The following OMA1 variants were observed in gnomAD, a reference collection of about 807,000 sequenced individuals.
OMA1 encodes OMA1 zinc metallopeptidase.
A neutral mutation model predicts 30.9 loss-of-function variants in OMA1; 38 were observed. The observed-to-expected ratio is 1.23, with a 90% CI of 0.95 to 1.61. The LOEUF is 1.61. Among genes scored for constraint, OMA1 ranks in the 40% most tolerant of loss-of-function variants. The pLI, the probability that OMA1 is intolerant of heterozygous loss-of-function variation, is 0.00. For synonymous variants in OMA1, 173 were observed against 121.9 expected (o/e 1.42, Z -2.76); for missense variants, 461 against 349.2 (o/e 1.32, Z -2.55).
intron 7 of OMA1, among the ~76,000 whole-genome samples, chr1:58,518,533 T>C (rs1646209300): frequency 6.6e-6 from 1 of 151,816 alleles, no homozygotes; most frequent in Non-Finnish European, 1.5e-5. Flanking sequence ...AAGATGCTAG[T>C]ACTGGAGATG....
intron 8 of OMA1, among the ~76,000 whole-genome samples, chr1:58,482,470 T>C (rs1645504434): frequency 6.6e-6 from 1 of 152,122 alleles, no homozygotes; most frequent in Admixed American, 6.5e-5. Flanking sequence ...CAAAATAATT[T>C]TTAAGGATAA....
chr1:58,508,975 A>G (rs1646031630), intron 7 of OMA1, among the ~76,000 whole-genome samples: 1 of 152,080 alleles, frequency 6.6e-6, no homozygotes, highest in African/African-American at 2.4e-5. Flanking sequence ...ACCAGACAGG[A>G]CCCTAGACAC....
intron 8 of OMA1, among the ~76,000 whole-genome samples, chr1:58,483,074 G>A (rs1422927364): frequency 6.6e-6 from 1 of 152,146 alleles, no homozygotes; most frequent in African/African-American, 2.4e-5. Flanking sequence ...TTACCTGGAA[G>A]TCCAGGTACA....
chr1:58,512,886 C>A (rs1279379286), intron 7 of OMA1, among the ~76,000 whole-genome samples: 1 of 152,010 alleles, frequency 6.6e-6, no homozygotes, highest in Non-Finnish European at 1.5e-5. Flanking sequence ...GAGGGTAGAT[C>A]TCATGTTAAA....
intron 7 of OMA1, among the ~76,000 whole-genome samples, chr1:58,523,732 T>C (rs886888340): frequency 2.0e-5 from 3 of 152,110 alleles, no homozygotes; most frequent in Admixed American, 6.5e-5. Flanking sequence ...ACCCCATCTC[T>C]ACTAAAAACA....
intron 8 of OMA1, among the ~76,000 whole-genome samples, chr1:58,489,020 G>A (rs948383285): frequency 3.3e-5 from 5 of 152,244 alleles, no homozygotes; most frequent in South Asian, 2.1e-4. Flanking sequence ...CGTCAGCGAC[G>A]CAGAAGACGA....
At chr1:58,502,613 A>C (rs1424311324) in intron 8 of OMA1, among the ~76,000 whole-genome samples, 2 of 152,228 alleles carry the variant, frequency 1.3e-5, no homozygotes, top group Non-Finnish European at 2.9e-5. Context: ...ATAAAATATA[A>C]TTTCAAAATG....
rs759959079 is a variant in OMA1, at chr1:58,527,337, T to G, written c.1141-2A>C. The G allele has an allele frequency of 2.3e-6, 2 of 871,248 alleles. No homozygotes were observed. The highest frequency in any genetic ancestry group is 4.0e-6 in the Non-Finnish European group (2 of 500,876). The allele number at this position is 871,248 out of a possible 1,614,324, so 54.0% of individuals were successfully genotyped here. A position where few individuals can be genotyped will look rare whatever the true frequency, so the allele number is the denominator to read the frequency against. On this transcript the variant is annotated splice_acceptor_variant, in intron 6 of 8. Coordinates refer to ENST00000371226, the MANE Select transcript of OMA1 (RefSeq NM_145243.5). LOFTEE classifies it high-confidence loss of function. ...GCTGTATGGTCTATTAAACATATAC[T>G]AAGAAGAAATGACAGAAAAGCTCCA...
chr1:58,485,737 T>C (rs1645566708), intron 8 of OMA1, among the ~76,000 whole-genome samples: 1 of 152,174 alleles, frequency 6.6e-6, no homozygotes, highest in Admixed American at 6.5e-5. Flanking sequence ...TCCTACCATA[T>C]AGCTAGAATA....
chr1:58,499,921 A>G (rs192772107), intron 8 of OMA1, among the ~76,000 whole-genome samples: 1 of 152,324 alleles, frequency 6.6e-6, no homozygotes, highest in Admixed American at 6.5e-5. Context: ...CAAGTAAAAC[A>G]TCAACTACTT....
intron 1 of OMA1, among the ~76,000 whole-genome samples, chr1:58,544,502 C>T (rs549141569): frequency 6.6e-6 from 1 of 152,224 alleles, no homozygotes; most frequent in East Asian, 1.9e-4. Context: ...GTATTTTCAC[C>T]TTATATATTT....
At chr1:58,521,023 C>G (rs2100452118) in intron 7 of OMA1, among the ~76,000 whole-genome samples, 1 of 152,270 alleles carries the variant, frequency 6.6e-6, no homozygotes, top group East Asian at 1.9e-4. Flanking sequence ...GTCATTTTGA[C>G]AAAATTGATC....
chr1:58,529,951 G>T (rs772516868), intron 6 of OMA1, among the ~76,000 whole-genome samples: 1 of 151,944 alleles, frequency 6.6e-6, no homozygotes, highest in Non-Finnish European at 1.5e-5. Context: ...CGCAATCTCG[G>T]CTCACAGCAA....
At chr1:58,487,113 G>C (rs1195969816) in intron 8 of OMA1, among the ~76,000 whole-genome samples, 1 of 152,210 alleles carries the variant, frequency 6.6e-6, no homozygotes, top group Non-Finnish European at 1.5e-5. Flanking sequence ...GGTGAAAAGT[G>C]ACAACAGGAA....
chr1:58,482,956 G>C (rs531991615), intron 8 of OMA1, among the ~76,000 whole-genome samples: 1 of 152,294 alleles, frequency 6.6e-6, no homozygotes, highest in African/African-American at 2.4e-5. Context: ...AATGAAAATG[G>C]AGGCCCAGAT....
intron 8 of OMA1, among the ~76,000 whole-genome samples, chr1:58,495,582 A>G (rs529065768): frequency 3.9e-5 from 3 of 76,282 alleles, no homozygotes; most frequent in African/African-American, 1.0e-4. Context: ...TAAACAAACA[A>G]AACTGTATAT....
intron 7 of OMA1, among the ~76,000 whole-genome samples, chr1:58,514,130 A>G (rs1216937205): frequency 6.6e-6 from 1 of 152,200 alleles, no homozygotes; most frequent in Non-Finnish European, 1.5e-5. Flanking sequence ...GGTAATTGCA[A>G]AATGCTATGT....
intron 7 of OMA1, among the ~76,000 whole-genome samples, chr1:58,519,752 T>A (rs138202122): frequency 2.8e-4 from 43 of 152,048 alleles, no homozygotes; most frequent in African/African-American, 9.6e-4. Context: ...TTTAAAAAAA[T>A]ATATGATTAA....
chr1:58,520,644 C>T (rs530941093), intron 7 of OMA1, among the ~76,000 whole-genome samples: 10 of 152,136 alleles, frequency 6.6e-5, no homozygotes, highest in African/African-American at 2.4e-4. Context: ...CATGCAAGCA[C>T]TAACTGAAAG....
Sources: allele counts gnomAD v4.1 joint callset (sites outside exome capture counted in the v4.1 genomes callset), GRCh38; gene constraint gnomAD v4.1.1; transcripts MANE v1.5; gene names NCBI Gene and HGNC (gene_info 2026-07-23, HGNC 2026-07-21).